The following KCNU1 variants were observed in gnomAD, a reference collection of about 807,000 sequenced individuals.
KCNU1 encodes potassium calcium-activated channel subfamily U member 1.
A neutral mutation model predicts 126.8 loss-of-function variants in KCNU1; 93 were observed. The observed-to-expected ratio is 0.73, with a 90% CI of 0.62 to 0.87. The LOEUF (loss-of-function observed/expected upper bound fraction) is 0.87, where lower values mean the gene tolerates loss of function less well. Ranked by LOEUF, KCNU1 falls within the 40% of genes least tolerant of loss-of-function variation. KCNU1 has a pLI of 0.00. For missense variants in KCNU1, 1,330 were observed against 1,367.1 expected, an observed-to-expected ratio of 0.97 and a Z score of 0.43; for synonymous variants, 523 against 494.2, an observed-to-expected ratio of 1.06 and a Z score of -0.77.
At chr8:36,816,203 T>C (rs561542674) in intron 9 of KCNU1, among the ~76,000 whole-genome samples, 17 of 152,226 alleles carry the variant, frequency 1.1e-4, no homozygotes, top group Non-Finnish European at 1.3e-4. Flanking sequence ...CTGTCTTCTA[T>C]AGCGCCTCCT....
In KCNU1 at chr8:36,935,515, G is replaced by A. The variant is rs375117155; in HGVS notation, c.3045G>A (p.Arg1015=). The A allele has an allele frequency of 3.1e-6, 5 of 1,590,024 alleles. No individual in the cohort carries two copies. Among genetic ancestry groups the A allele is most frequent in the Non-Finnish European group, 4.3e-6 (5 of 1,166,994 alleles). Residue 1015 remains arginine, a splice_region_variant and synonymous_variant, in exon 27 of 27, where the codon AGG becomes AGA. Transcript: ENST00000399881. The part of the protein sequence containing the change: ...DEEELNPENK[R]FVITRPANEF... ...CATTTATCTTTGACTTGTCTTACAG[G>A]TTTGTGATCACCCGGCCAGCCAATG... is the stretch of plus-strand genomic sequence containing the variant.
chr8:36,857,637 T>G (rs942815922), intron 18 of KCNU1, among the ~76,000 whole-genome samples: 12 of 151,842 alleles, frequency 7.9e-5, no homozygotes, highest in Non-Finnish European at 1.5e-5. Flanking sequence ...TTTTTGTTTT[T>G]TTGTTTTTGT....
At chr8:36,852,280 TG>T (rs764692500) in intron 18 of KCNU1, among the ~76,000 whole-genome samples, 112 of 152,190 alleles carry the variant, frequency 7.4e-4, no homozygotes, top group Non-Finnish European at 1.1e-3. Flanking sequence ...GCTAGCATTT[TG>T]TTGAGGAATT....
At chr8:36,918,968 T>C in intron 23 of KCNU1, 71 bp downstream of exon 23, 1 of 983,170 alleles carries the variant, frequency 1.0e-6, no homozygotes, top group Non-Finnish European at 1.6e-6. Context: ...TCCAAGGATC[T>C]TTTTAGAATG....
chr8:36,929,848 C>T (rs887801451), intron 24 of KCNU1, among the ~76,000 whole-genome samples: 11 of 151,942 alleles, frequency 7.2e-5, no homozygotes, highest in African/African-American at 2.2e-4. Flanking sequence ...GTGGAGGTCA[C>T]GATCTGATTT....
chr8:36,875,964 T>A (rs193211767), intron 19 of KCNU1, among the ~76,000 whole-genome samples: 1 of 152,326 alleles, frequency 6.6e-6, no homozygotes, highest in African/African-American at 2.4e-5. Flanking sequence ...TTCTGTTTTA[T>A]TCCTTTGAGA....
chr8:36,801,467 T>C (rs980944525), intron 2 of KCNU1, among the ~76,000 whole-genome samples: 4 of 152,064 alleles, frequency 2.6e-5, no homozygotes, highest in African/African-American at 7.2e-5. Flanking sequence ...TACATGTTTC[T>C]GTTCATTTCC....
intron 22 of KCNU1, among the ~76,000 whole-genome samples, chr8:36,915,027 A>T (rs1808043333): frequency 6.6e-6 from 1 of 152,210 alleles, no homozygotes; most frequent in South Asian, 2.1e-4. Flanking sequence ...GGAAATTCAG[A>T]TGCTGTCCTT....
intron 22 of KCNU1, among the ~76,000 whole-genome samples, chr8:36,914,919 A>G (rs781763611): frequency 1.6e-4 from 25 of 152,324 alleles, no homozygotes; most frequent in Non-Finnish European, 2.5e-4. Flanking sequence ...ACTGTGTACT[A>G]TTAGGTAACA....
At chr8:36,840,873 G>C (rs1804924591) in intron 15 of KCNU1, 59 bp from the exon 16 acceptor site, 17 of 1,149,128 alleles carry the variant, frequency 1.5e-5, no homozygotes, top group Non-Finnish European at 2.2e-5. Flanking sequence ...CAGAGTGTTA[G>C]TTATTTTGTT....
At chr8:36,807,542 T>C (rs1803550786) in intron 6 of KCNU1, 92 bp downstream of exon 6, 2 of 897,766 alleles carry the variant, frequency 2.2e-6, no homozygotes, top group Admixed American at 1.9e-5. Flanking sequence ...GCATTTCTTA[T>C]CAGAATTTCA....
intron 2 of KCNU1, among the ~76,000 whole-genome samples, chr8:36,801,880 G>A (rs1324229298): frequency 1.3e-5 from 2 of 151,874 alleles, no homozygotes; most frequent in Non-Finnish European, 2.9e-5. Flanking sequence ...AGGTCAAGGC[G>A]GGCAGATCGC....
Position 36,814,405 on chromosome 8 carries a change from A to C in KCNU1, c.903+28A>C, listed in dbSNP as rs1156765649. The C allele has an allele frequency of 9.6e-6, 14 of 1,461,748 alleles. No individual in the cohort carries two copies. The East Asian group carries it at 1.5e-4, about 15-fold the overall frequency. The allele number at this position is 1,461,748 out of a possible 1,614,324, so 90.5% of individuals were successfully genotyped here. A position where few individuals can be genotyped will look rare whatever the true frequency, so the allele number is the denominator to read the frequency against. On this transcript the variant is annotated intron_variant, in intron 8 of 26. Transcript: ENST00000399881. ...GAAGAATATTTTTAATATATTTTGA[A>C]TATAGCTACATAAACCAGAAATATT...
Position 36,845,584 on chromosome 8 carries a change from C to T in KCNU1, c.1708C>T (p.Leu570=), listed in dbSNP as rs1244635916. 6.3e-7 allele frequency: 1 copy of T among 1,596,494 alleles called. No homozygotes were observed. The highest frequency in any genetic ancestry group is 8.6e-7 in the Non-Finnish European group (1 of 1,165,234). Residue 570 remains leucine, a synonymous_variant, in exon 17 of 27, where the codon CTG becomes TTG. Transcript: ENST00000399881. The part of the protein sequence containing the change: ...KSLFTDGFCG[L]ILNPPPQVRI... The stretch of plus-strand genomic sequence containing the variant: ...GTGTTTATTTTTTGTTTCCAGTGGT[C>T]TGATACTAAATCCACCTCCACAAGT...
In KCNU1 at chr8:36,804,008, C is replaced by T. The variant is rs763075664; in HGVS notation, c.316-19C>T. On this transcript the variant is annotated intron_variant, in intron 2 of 26. Transcript: ENST00000399881. ...AAATGAAGTGGATTTAGACATTTGT[C>T]CCTGTTTTTCATTTTCAGGTGATCC... is the stretch of plus-strand genomic sequence containing the variant. The T allele has an allele frequency of 6.6e-7, 1 of 1,513,018 alleles. No individual in the cohort carries two copies. The highest frequency in any genetic ancestry group is 1.2e-5 in the South Asian group (1 of 83,528). The allele number at this position is 1,513,018 out of a possible 1,614,324, so 93.7% of individuals were successfully genotyped here.
intron 23 of KCNU1, among the ~76,000 whole-genome samples, chr8:36,921,596 T>C (rs111774702): frequency 0.022 from 3,345 of 149,366 alleles, 46 homozygotes; most frequent in Non-Finnish European, 0.033. Context: ...TGAGAATTGC[T>C]TGAACCCAGA....
intron 14 of KCNU1, among the ~76,000 whole-genome samples, chr8:36,839,080 ATTGAG>A (rs1804858568): frequency 6.6e-6 from 1 of 152,188 alleles, no homozygotes; most frequent in African/African-American, 2.4e-5. Flanking sequence ...TTTTCCAAGT[ATTGAG>A]TTAATATTTG....
chr8:36,809,765 A>C (rs1563268601), intron 7 of KCNU1, among the ~76,000 whole-genome samples: 2 of 152,210 alleles, frequency 1.3e-5, no homozygotes, highest in Admixed American at 6.5e-5. Context: ...AGGATGCTAA[A>C]GGAAAAGTCA....
chr8:36,850,672 T>G (rs10097430), intron 18 of KCNU1, among the ~76,000 whole-genome samples: 61,236 of 151,940 alleles, frequency 0.4, 12,455 homozygotes, highest in Admixed American at 0.45. Flanking sequence ...TCTCAGTCTG[T>G]TCTCGAGCTC....
Sources: allele counts gnomAD v4.1 joint callset (sites outside exome capture counted in the v4.1 genomes callset), GRCh38; gene constraint gnomAD v4.1.1; transcripts MANE v1.5; gene names NCBI Gene and HGNC (gene_info 2026-07-23, HGNC 2026-07-21).